The following HP1BP3 variants were observed in gnomAD, a reference collection of about 807,000 sequenced individuals.
HP1BP3 encodes the protein heterochromatin protein 1 binding protein 3, also known as heterochromatin protein 1-binding protein 3.
HP1BP3 carries 12 observed loss-of-function variants against 62.5 expected under a neutral mutation model. That is an observed-to-expected ratio of 0.19 (90% CI 0.12 to 0.31). The LOEUF (loss-of-function observed/expected upper bound fraction) is 0.31. Among genes scored for constraint, HP1BP3 ranks in the 10% least tolerant of loss-of-function variants. The probability of loss-of-function intolerance (pLI) is 1.00; values close to 1 mark genes in which losing one functional copy is unlikely to be tolerated. For missense variants in HP1BP3, 502 were observed against 651.8 expected, an observed-to-expected ratio of 0.77 and a Z score of 2.50; for synonymous variants, 260 against 237.8, an observed-to-expected ratio of 1.09 and a Z score of -0.86.
rs111999485 is a variant in HP1BP3, at chr1:20,749,807, T to C, written c.1057A>G (p.Met353Val). 1 of 1,614,162 alleles carries C rather than the reference T, an allele frequency of 6.2e-7. No individual in the cohort carries two copies. Among genetic ancestry groups the C allele is most frequent in the East Asian group, 2.2e-5 (1 of 44,880 alleles). Residue 353 changes from methionine to valine, a missense_variant, in exon 10 of 13, where the codon ATG (methionine) becomes GTG (valine). This residue lies in a region of HP1BP3 where 111 missense variants were observed against 242.0 expected (regional missense o/e 0.46). Transcript: ENST00000438032. ...EYAILSAIAA[M>V]NEPKTCSTTA... Reference sequence around the variant, plus strand: ...GTAGAGCAGGTCTTCGGCTCATTCATGGCAGCAATGGCAGACAAGATTGCA... The same window carrying C: ...GTAGAGCAGGTCTTCGGCTCATTCACGGCAGCAATGGCAGACAAGATTGCA...
rs111382368 is a variant in HP1BP3 at position 20,766,950 on chromosome 1, AAAAC to A, written c.735+630_735+633del. Among the ~76,000 whole-genome samples the A allele has an allele frequency of 2.6e-4, 40 of 152,034 alleles. 1 individual carries two copies. The highest frequency in any genetic ancestry group is 7.7e-4 in the East Asian group (4 of 5,164). On this transcript the variant is annotated intron_variant, in intron 7 of 12. Coordinates refer to ENST00000438032, the MANE Select transcript of HP1BP3 (RefSeq NM_001372052.1). Reference sequence around the variant, plus strand: ...AGAGCAAGATTCTATCTTAGAAAAGAAAACAAACAAACAAACAAACAAAAAAACA... The same window carrying A: ...AGAGCAAGATTCTATCTTAGAAAAGAAAACAAACAAACAAACAAAAAAACA...
Position 20,742,326 on chromosome 1 carries a change from G to C in HP1BP3, c.*2471C>G, listed in dbSNP as rs2055105657. ...ATTACTTCTAGAATTTGATGTCTAG[G>C]ATTTATCTGTTATCTTTTGCAGTAC... On this transcript the variant is annotated 3_prime_UTR_variant, in exon 13 of 13. Coordinates refer to ENST00000438032, the MANE Select transcript of HP1BP3 (RefSeq NM_001372052.1). 6.6e-6 allele frequency among the ~76,000 whole-genome samples: 1 copy of C among 152,104 alleles called. No homozygotes were observed. Among genetic ancestry groups the C allele is most frequent in the Admixed American group, 6.5e-5 (1 of 15,270 alleles).
Position 20,776,518 on chromosome 1 carries a change from T to A in HP1BP3, c.350+79A>T. 10 of 1,290,854 alleles carry A rather than the reference T, an allele frequency of 7.7e-6. No homozygotes were observed. The South Asian group carries it at 1.4e-4, about 18-fold the overall frequency. The allele number at this position is 1,290,854 out of a possible 1,614,324, so 80.0% of individuals were successfully genotyped here. A position where few individuals can be genotyped will look rare whatever the true frequency, so the allele number is the denominator to read the frequency against. On this transcript the variant is annotated intron_variant, in intron 4 of 12. Transcript: ENST00000438032. ...AAATACCTAGCATAAACCAATGTTA[T>A]AACACTTTAAAACAATCTAATCTAA...
intron 6 of HP1BP3, among the ~76,000 whole-genome samples, chr1:20,770,419 G>A (rs908391583): frequency 4.6e-5 from 7 of 152,100 alleles, no homozygotes; most frequent in South Asian, 2.1e-4. Context: ...AGGCTCAAGC[G>A]GTCCTCCTGC....
intron 10 of HP1BP3, among the ~76,000 whole-genome samples, chr1:20,748,618 G>A (rs576020545): frequency 6.6e-6 from 1 of 152,294 alleles, no homozygotes; most frequent in East Asian, 1.9e-4. Flanking sequence ...AAATTAGCCA[G>A]GGGTGGTGGC....
chr1:20,766,749 G>A (rs1043746357), intron 7 of HP1BP3, among the ~76,000 whole-genome samples: 7 of 152,090 alleles, frequency 4.6e-5, no homozygotes, highest in Non-Finnish European at 1.0e-4. Context: ...AGGCCAGCCT[G>A]GCCAACATAG....
Position 20,765,409 on chromosome 1 carries a change from A to G in HP1BP3, c.858T>C (p.Ser286=), listed in dbSNP as rs1433108729. ...CCACTCTAAGCTTAGGATAATACTG[A>G]GACACATATTTCCTGATGAGACTGT... ...ASYSLIRKYV[S]QYYPKLRVDI... The change falls in exon 8 of 13, where the codon TCT becomes TCC. Residue 286 remains serine (S), a synonymous_variant. Coordinates refer to ENST00000438032, the MANE Select transcript of HP1BP3 (RefSeq NM_001372052.1). 6 of 1,613,198 alleles carry G rather than the reference A, an allele frequency of 3.7e-6. No individual in the cohort carries two copies. The East Asian group carries it at 1.3e-4, about 36-fold the overall frequency.
At chr1:20,754,789 T>G (rs771228834) in intron 9 of HP1BP3, among the ~76,000 whole-genome samples, 56 of 152,262 alleles carry the variant, frequency 3.7e-4, no homozygotes, top group Non-Finnish European at 7.4e-4. Context: ...AAAAGATAAA[T>G]TATACCCTTA....
intron 8 of HP1BP3, among the ~76,000 whole-genome samples, chr1:20,760,929 G>C (rs935563785): frequency 2.6e-5 from 4 of 152,188 alleles, no homozygotes; most frequent in African/African-American, 9.7e-5. Flanking sequence ...TACTGAAAGG[G>C]AGCATGAAAA....
intron 8 of HP1BP3, among the ~76,000 whole-genome samples, chr1:20,764,819 G>A (rs1448840070): frequency 1.3e-5 from 2 of 151,758 alleles, no homozygotes; most frequent in East Asian, 3.9e-4. Context: ...AGGCTGCAGT[G>A]AGCTGAGACT....
At chr1:20,750,889 C>G (rs968687273) in intron 9 of HP1BP3, among the ~76,000 whole-genome samples, 1 of 145,720 alleles carries the variant, frequency 6.9e-6, no homozygotes, top group Non-Finnish European at 1.5e-5. Flanking sequence ...GTGGTTTCAG[C>G]TCACTGCAAC....
intron 8 of HP1BP3, among the ~76,000 whole-genome samples, chr1:20,759,329 G>A (rs932735984): frequency 6.6e-6 from 1 of 152,202 alleles, no homozygotes; most frequent in African/African-American, 2.4e-5. Context: ...CTTGAACCCA[G>A]GAGACGGAGG....
At chr1:20,755,594 T>C (rs1440741670) in intron 9 of HP1BP3, among the ~76,000 whole-genome samples, 1 of 151,952 alleles carries the variant, frequency 6.6e-6, no homozygotes, top group East Asian at 1.9e-4. Context: ...CAAAACGACT[T>C]GAGCCCTTAT....
intron 9 of HP1BP3, among the ~76,000 whole-genome samples, chr1:20,751,985 C>T (rs1026637259): frequency 5.9e-5 from 9 of 152,032 alleles, no homozygotes; most frequent in Non-Finnish European, 1.0e-4. Context: ...ATATGCCAGA[C>T]GCAGTGGCTC....
Position 20,749,853 on chromosome 1 carries a change from A to C in HP1BP3, c.1011T>G (p.Leu337=). The C allele has an allele frequency of 1.2e-6, 2 of 1,613,786 alleles. No homozygotes were observed. Among genetic ancestry groups the C allele is most frequent in the Non-Finnish European group, 1.7e-6 (2 of 1,179,866 alleles). Residue 337 remains leucine, a synonymous_variant, in exon 10 of 13, where the codon CTT becomes CTG. Transcript: ENST00000438032. ...TTGCATATTCCATCAGGCTTCCACC[A>C]AGCAGGGGTTTCTCCCCTGATTTCT... ...QLKKSGEKPL[L]GGSLMEYAIL... is the part of the protein sequence containing the mutation.
intron 6 of HP1BP3, among the ~76,000 whole-genome samples, chr1:20,769,498 C>T (rs1189883186): frequency 2.6e-5 from 4 of 152,058 alleles, no homozygotes; most frequent in Non-Finnish European, 4.4e-5. Flanking sequence ...GTAGAGAGTG[C>T]GGTGAGCTGA....
intron 8 of HP1BP3, among the ~76,000 whole-genome samples, chr1:20,757,832 G>A (rs1008642764): frequency 2.6e-5 from 4 of 151,974 alleles, no homozygotes; most frequent in Admixed American, 6.6e-5. Flanking sequence ...TTAAGAAGGT[G>A]ACTTGCATGT....
At chr1:20,760,810 T>C (rs866835434) in intron 8 of HP1BP3, among the ~76,000 whole-genome samples, 12 of 152,250 alleles carry the variant, frequency 7.9e-5, no homozygotes, top group Middle Eastern at 6.8e-3. Context: ...CACTCCAGCC[T>C]GGGCAACAGA....
intron 1 of HP1BP3, chr1:20,786,539 G>A (rs1027519113): frequency 7.9e-5 from 12 of 152,414 alleles, no homozygotes; most frequent in Admixed American, 7.8e-4. Context: ...ATGAGGCTGG[G>A]GCTCGGCGCG....
Sources: allele counts gnomAD v4.1 joint callset (sites outside exome capture counted in the v4.1 genomes callset), GRCh38; gene constraint gnomAD v4.1.1; regional missense constraint gnomAD v4.1.1; transcripts MANE v1.5; gene names NCBI Gene and HGNC (gene_info 2026-07-23, HGNC 2026-07-21).